The following PJA2 variants were observed in gnomAD, a reference collection of about 807,000 sequenced individuals.
The protein encoded by PJA2 is praja ring finger ubiquitin ligase 2, also known as E3 ubiquitin-protein ligase Praja-2.
In PJA2, 25 loss-of-function variants were observed where a neutral mutation model predicts 69.3. That is an observed-to-expected ratio of 0.36 (90% confidence interval 0.26 to 0.50). The LOEUF (loss-of-function observed/expected upper bound fraction) is 0.50, where lower values mean the gene tolerates loss of function less well. Among genes scored for constraint, PJA2 ranks in the 20% least tolerant of loss-of-function variants. The probability of loss-of-function intolerance (pLI) is 0.96; values close to 1 mark genes in which losing one functional copy is unlikely to be tolerated. For missense variants in PJA2, 809 were observed against 830.2 expected, an observed-to-expected ratio of 0.97 and a Z score of 0.31; for synonymous variants, 308 against 277.8, an observed-to-expected ratio of 1.11 and a Z score of -1.08.
chr5:109,336,452 C>A lies in PJA2; in HGVS notation c.*779G>T, dbSNP rs942576610. 2.0e-5 allele frequency: 3 copies of A among 151,978 alleles called. No individual in the cohort carries two copies. The highest frequency in any genetic ancestry group is 4.8e-5 in the African/African-American group (2 of 41,344). The allele number at this position is 151,978 out of a possible 1,614,324, so 9.4% of individuals were successfully genotyped here. On this transcript the variant is annotated 3_prime_UTR_variant, in exon 10 of 10. Coordinates refer to ENST00000361189, the MANE Select transcript of PJA2 (RefSeq NM_014819.5). ...TCTGGGCCTTCAAGTATAATTTTAA[C>A]CAAGGAGAAACAGGTTGGGTAAGAG...
chr5:109,353,865 TAG>T (rs1422592169), intron 7 of PJA2, among the ~76,000 whole-genome samples: 2 of 50,122 alleles, frequency 4.0e-5, no homozygotes, highest in Admixed American at 4.4e-4. Flanking sequence ...CTATGATATC[TAG>T]AGATATCTAT....
chr5:109,365,582 CT>C (rs11301451), intron 5 of PJA2, among the ~76,000 whole-genome samples: 108,941 of 151,230 alleles, frequency 0.72, 39,797 homozygotes, highest in African/African-American at 0.81. Context: ...TGTATGAATC[CT>C]TTTTTTTTTA....
chr5:109,407,996 G>A (rs567674609), intron 1 of PJA2, among the ~76,000 whole-genome samples: 2 of 152,108 alleles, frequency 1.3e-5, no homozygotes, highest in African/African-American at 2.4e-5. Context: ...TTACCTAGAA[G>A]AAGAAATGCA....
At chr5:109,358,947 C>T (rs1171723532) in intron 6 of PJA2, among the ~76,000 whole-genome samples, 1 of 152,196 alleles carries the variant, frequency 6.6e-6, no homozygotes, top group Admixed American at 6.5e-5. Flanking sequence ...AAAGTATCTT[C>T]ACGCTAGAAG....
chr5:109,401,275 C>G (rs1747539972), intron 1 of PJA2, among the ~76,000 whole-genome samples: 1 of 152,220 alleles, frequency 6.6e-6, no homozygotes, highest in Middle Eastern at 3.4e-3. Context: ...CAGAGTGAGA[C>G]TCTGTCTCAA....
chr5:109,393,497 T>C (rs1010432697), intron 1 of PJA2, among the ~76,000 whole-genome samples: 2 of 152,026 alleles, frequency 1.3e-5, no homozygotes, highest in African/African-American at 4.8e-5. Flanking sequence ...CCAAGACATA[T>C]AAAAATGTTC....
intron 9 of PJA2, among the ~76,000 whole-genome samples, chr5:109,340,360 T>C (rs1274762797): frequency 1.4e-5 from 2 of 147,960 alleles, no homozygotes; most frequent in African/African-American, 2.5e-5. Context: ...CAAATAGAAA[T>C]AGAGGAACAG....
At chr5:109,362,721 G>T in intron 6 of PJA2, 119 bp downstream of exon 6, 1 of 980,768 alleles carries the variant, frequency 1.0e-6, no homozygotes, top group Non-Finnish European at 1.4e-6. Flanking sequence ...TTGAAGAAGA[G>T]GAGGACTAAC....
chr5:109,351,991 A>G (rs970921528), intron 7 of PJA2, among the ~76,000 whole-genome samples: 1 of 152,194 alleles, frequency 6.6e-6, no homozygotes, highest in Non-Finnish European at 1.5e-5. Flanking sequence ...TTGATTTTCT[A>G]GGAGTGAAAC....
intron 4 of PJA2, among the ~76,000 whole-genome samples, chr5:109,373,053 C>G (rs113182591): frequency 6.6e-6 from 1 of 151,814 alleles, no homozygotes; most frequent in East Asian, 1.9e-4. Flanking sequence ...GAGATTGCAC[C>G]GCTGCACTCC....
rs1359786193 is a variant in PJA2, at chr5:109,368,748, T to C, written c.1284-2A>G. 1.2e-6 allele frequency: 2 copies of C among 1,608,924 alleles called. No individual in the cohort carries two copies. Among genetic ancestry groups the C allele is most frequent in the East Asian group, 2.2e-5 (1 of 44,818 alleles). Reference sequence around the variant, plus strand: ...CATTCCCCATCACTGCATTCAGAACTGCAAATCAGAAGAGAAATAAACTAT... The same window carrying C: ...CATTCCCCATCACTGCATTCAGAACCGCAAATCAGAAGAGAAATAAACTAT... On this transcript the variant is annotated splice_acceptor_variant, in intron 4 of 9. Coordinates refer to ENST00000361189, the MANE Select transcript of PJA2 (RefSeq NM_014819.5). LOFTEE classifies it high-confidence loss of function.
rs1344827768 is a variant in PJA2, at chr5:109,337,332, G to A, written c.2026C>T (p.Arg676Cys). The A allele has an allele frequency of 5.0e-6, 8 of 1,612,406 alleles. No individual in the cohort carries two copies. The highest frequency in any genetic ancestry group is 1.3e-5 in the African/African-American group (1 of 74,864). ...TCAATAACCGCAGGTGGGAAATGAC[G>A]GCGGCACACAGGGCATGTTCCCGAC... ...QKSGTCPVCR[R>C]HFPPAVIEAS... is the part of the protein sequence containing the mutation. Residue 676 changes from arginine to cysteine, a missense_variant, in exon 10 of 10, where the codon CGT becomes TGT. Arg to Cys is a radical substitution (Grantham distance 180). Coordinates refer to ENST00000361189, the MANE Select transcript of PJA2 (RefSeq NM_014819.5).
chr5:109,363,515 A>G (rs1477269424), intron 5 of PJA2, among the ~76,000 whole-genome samples: 2 of 152,138 alleles, frequency 1.3e-5, no homozygotes, highest in African/African-American at 4.8e-5. Context: ...ACACATGGAG[A>G]TCATTTCTAC....
At chr5:109,347,029 T>C (rs1291680027) in intron 7 of PJA2, among the ~76,000 whole-genome samples, 2 of 152,136 alleles carry the variant, frequency 1.3e-5, no homozygotes, top group African/African-American at 4.8e-5. Flanking sequence ...TGACTTATAA[T>C]AGGGATTACA....
intron 1 of PJA2, chr5:109,390,891 A>T (rs138589438): frequency 3.9e-5 from 6 of 152,260 alleles, no homozygotes; most frequent in Admixed American, 3.9e-4. Context: ...AGATTGTCTT[A>T]ACATCACAGA....
At chr5:109,353,221 T>TA (rs1762300586) in intron 7 of PJA2, among the ~76,000 whole-genome samples, 1 of 142,618 alleles carries the variant, frequency 7.0e-6, no homozygotes, top group Non-Finnish European at 1.5e-5. Context: ...TATAGATATC[T>TA]ATATATTAGA....
chr5:109,361,432 G>A (rs554774792), intron 6 of PJA2, among the ~76,000 whole-genome samples: 1 of 152,270 alleles, frequency 6.6e-6, no homozygotes, highest in African/African-American at 2.4e-5. Flanking sequence ...TATTTTTAGA[G>A]TCTTGAAAAT....
intron 4 of PJA2, among the ~76,000 whole-genome samples, chr5:109,372,798 A>C (rs1384577789): frequency 6.7e-6 from 1 of 150,006 alleles, no homozygotes; most frequent in Admixed American, 6.7e-5. Context: ...CCAGCTACTC[A>C]GGAGGCTGAG....
Position 109,354,317 on chromosome 5 carries a change from A to G in PJA2, c.1764+1598T>C, listed in dbSNP as rs373054573. Among the ~76,000 whole-genome samples, 199 of 137,162 alleles carry G rather than the reference A, an allele frequency of 1.5e-3. 9 individuals are homozygous for G. Among genetic ancestry groups the G allele is most frequent in the African/African-American group, 3.0e-3 (102 of 33,476 alleles). The allele number at this position is 137,162 out of a possible 152,430, so 90.0% of individuals were successfully genotyped here. A position where few individuals can be genotyped will look rare whatever the true frequency, so the allele number is the denominator to read the frequency against. The stretch of plus-strand genomic sequence containing the variant: ...TGATATCTAGAGATATCTATAGATT[A>G]GATATCTATGATATCTAGAGATATC... On this transcript the variant is annotated intron_variant, in intron 7 of 9. Transcript: ENST00000361189.
Sources: allele counts gnomAD v4.1 joint callset (sites outside exome capture counted in the v4.1 genomes callset), GRCh38; gene constraint gnomAD v4.1.1; transcripts MANE v1.5; gene names NCBI Gene and HGNC (gene_info 2026-07-23, HGNC 2026-07-21).